Variants in ATF7IP2 observed in about 807,000 individuals in gnomAD.
The protein encoded by ATF7IP2 is activating transcription factor 7 interacting protein 2, also known as activating transcription factor 7-interacting protein 2.
A neutral mutation model predicts 64.2 loss-of-function variants in ATF7IP2; 42 were observed. The observed-to-expected ratio is 0.65, with a 90% CI of 0.51 to 0.85. The LOEUF (loss-of-function observed/expected upper bound fraction) is 0.85, where lower values mean the gene tolerates loss of function less well. Ranked by LOEUF, ATF7IP2 falls within the 40% of genes least tolerant of loss-of-function variation. The probability of loss-of-function intolerance (pLI) is 0.00; values close to 1 mark genes in which losing one functional copy is unlikely to be tolerated. For missense variants in ATF7IP2, 933 were observed against 784.2 expected, an observed-to-expected ratio of 1.19 and a Z score of -2.27; for synonymous variants, 308 against 272.8, an observed-to-expected ratio of 1.13 and a Z score of -1.27.
At chr16:10,459,873 G>A (rs2049316336) in intron 9 of ATF7IP2, among the ~76,000 whole-genome samples, 1 of 152,082 alleles carries the variant, frequency 6.6e-6, no homozygotes, top group Non-Finnish European at 1.5e-5. Flanking sequence ...AGATACAAAA[G>A]AAAGATGCCT....
intron 8 of ATF7IP2, chr16:10,446,594 T>C (rs1370386931): frequency 6.6e-6 from 1 of 152,182 alleles, no homozygotes. Context: ...ACCCAAACTT[T>C]GGCCAAAAAA....
intron 1 of ATF7IP2, among the ~76,000 whole-genome samples, chr16:10,409,668 G>T (rs899649635): frequency 6.6e-6 from 1 of 152,090 alleles, no homozygotes; most frequent in Non-Finnish European, 1.5e-5. Context: ...CTCATGATCC[G>T]CCCGCCTGGG....
At chr16:10,473,865 T>G (rs1319845072) in intron 11 of ATF7IP2, 58 bp from the exon 12 acceptor site, 1 of 1,154,950 alleles carries the variant, frequency 8.7e-7, no homozygotes, top group African/African-American at 1.6e-5. Context: ...TTTAAATTTT[T>G]AAAAACATTT....
intron 8 of ATF7IP2, among the ~76,000 whole-genome samples, chr16:10,442,456 G>T (rs1022188773): frequency 2.0e-5 from 3 of 152,190 alleles, no homozygotes; most frequent in African/African-American, 7.2e-5. Context: ...TATTGAACTA[G>T]TCCATGAATA....
chr16:10,395,984 C>T (rs1380995976), intron 1 of ATF7IP2, among the ~76,000 whole-genome samples: 2 of 151,456 alleles, frequency 1.3e-5, no homozygotes, highest in Admixed American at 6.6e-5. Context: ...GTAAAATATA[C>T]ACGGATAACA....
intron 1 of ATF7IP2, among the ~76,000 whole-genome samples, chr16:10,400,938 G>A (rs2047519901): frequency 6.6e-6 from 1 of 151,970 alleles, no homozygotes; most frequent in Admixed American, 6.6e-5. Context: ...CCCGCCTCAG[G>A]TGATCCACCT....
intron 2 of ATF7IP2, among the ~76,000 whole-genome samples, chr16:10,417,570 C>T (rs1418062571): frequency 6.6e-6 from 1 of 152,024 alleles, no homozygotes; most frequent in Admixed American, 6.5e-5. Context: ...CTGGGCCACC[C>T]AGATTCATTA....
At chr16:10,440,945 C>T (rs187175573) in intron 8 of ATF7IP2, among the ~76,000 whole-genome samples, 4 of 152,236 alleles carry the variant, frequency 2.6e-5, no homozygotes, top group East Asian at 3.9e-4. Context: ...TGTTCCCCTC[C>T]GTGTGTCCAT....
At chr16:10,443,800 G>T (rs2048711124) in intron 8 of ATF7IP2, among the ~76,000 whole-genome samples, 1 of 152,120 alleles carries the variant, frequency 6.6e-6, no homozygotes, top group Non-Finnish European at 1.5e-5. Flanking sequence ...CCTAAGGTGG[G>T]CTTAGGGTCA....
At chr16:10,426,340 A>G (rs1414654015) in intron 3 of ATF7IP2, among the ~76,000 whole-genome samples, 1 of 152,208 alleles carries the variant, frequency 6.6e-6, no homozygotes, top group African/African-American at 2.4e-5. Flanking sequence ...AACTTCACTG[A>G]ACGGGTTCTA....
At chr16:10,417,592 AG>A (rs1332799471) in intron 2 of ATF7IP2, among the ~76,000 whole-genome samples, 3 of 152,198 alleles carry the variant, frequency 2.0e-5, no homozygotes, top group African/African-American at 7.2e-5. Flanking sequence ...ATATTACTAT[AG>A]TTAAAGAAAG....
chr16:10,408,971 G>A (rs879309610), intron 1 of ATF7IP2, among the ~76,000 whole-genome samples: 45 of 152,134 alleles, frequency 3.0e-4, no homozygotes, highest in Admixed American at 2.4e-3. Flanking sequence ...ACCAGCACTC[G>A]GGCAAAAGTT....
intron 3 of ATF7IP2, among the ~76,000 whole-genome samples, chr16:10,424,045 A>G (rs1420322713): frequency 6.6e-6 from 1 of 152,236 alleles, no homozygotes; most frequent in Non-Finnish European, 1.5e-5. Context: ...CATTGTTTCT[A>G]TAGATTATAG....
At chr16:10,478,076 G>T (rs1167516861) in intron 12 of ATF7IP2, among the ~76,000 whole-genome samples, 1 of 151,228 alleles carries the variant, frequency 6.6e-6, no homozygotes, top group African/African-American at 2.4e-5. Flanking sequence ...TGGACATACT[G>T]CCCAAGGTAA....
intron 8 of ATF7IP2, among the ~76,000 whole-genome samples, chr16:10,441,025 G>C (rs911450486): frequency 1.3e-5 from 2 of 152,166 alleles, no homozygotes; most frequent in African/African-American, 4.8e-5. Flanking sequence ...TCTCGTGTTA[G>C]TTTGCTGAGA....
chr16:10,433,469 T>A, intron 5 of ATF7IP2, 56 bp from the exon 6 acceptor site: 1 of 1,541,658 alleles, frequency 6.5e-7, no homozygotes, highest in East Asian at 2.3e-5. Context: ...GCCACCACAC[T>A]GAACCTGTTT....
chr16:10,437,456 C>A (rs919741271), intron 6 of ATF7IP2, among the ~76,000 whole-genome samples: 5 of 152,160 alleles, frequency 3.3e-5, no homozygotes, highest in African/African-American at 7.2e-5. Flanking sequence ...ATATTTACTT[C>A]TTTCATATCA....
Position 10,459,211 on chromosome 16 carries a change from T to C in ATF7IP2, c.1352+1682T>C, listed in dbSNP as rs543140019. 7.9e-5 allele frequency among the ~76,000 whole-genome samples: 12 copies of C among 151,790 alleles called. No individual in the cohort carries two copies. The South Asian group carries it at 2.3e-3, about 29-fold the overall frequency. ...AGGCCCGGTGCGGTGGCTCACGCCT[T>C]CCATCCCAGCACTTTCGGAGGCCTA... On this transcript the variant is annotated intron_variant, in intron 9 of 13. Transcript: ENST00000562102.
intron 3 of ATF7IP2, among the ~76,000 whole-genome samples, chr16:10,427,357 A>C (rs1184137555): frequency 1.3e-5 from 2 of 152,206 alleles, no homozygotes; most frequent in East Asian, 3.9e-4. Context: ...GGCTAAAATC[A>C]AATCTGGCAA....
Sources: gnomAD v4.1 joint callset for allele counts (sites outside exome capture counted in the v4.1 genomes callset) on GRCh38, gnomAD v4.1.1 for gene constraint, MANE v1.5 for transcripts, NCBI Gene and HGNC (gene_info 2026-07-23, HGNC 2026-07-21) for gene names.